Variants in PDZD2 observed in about 807,000 individuals in gnomAD.
PDZD2 encodes PDZ domain-containing protein 2.
PDZD2 carries 90 observed loss-of-function variants against 220.7 expected under a neutral mutation model. The ratio of observed to expected loss-of-function variants is 0.41; its 90% CI spans 0.34 to 0.49. The LOEUF is 0.49. PDZD2 is among the 20% of genes least tolerant of loss of function. PDZD2 has a pLI of 0.28. For synonymous variants in PDZD2, 1,375 were observed against 1,450.5 expected, an observed-to-expected ratio of 0.95 and a Z score of 1.18; for missense variants, 3,174 against 3,608.5, an observed-to-expected ratio of 0.88 and a Z score of 3.08.
intron 3 of PDZD2, among the ~76,000 whole-genome samples, chr5:31,992,366 G>T (rs1276858921): frequency 6.6e-6 from 1 of 152,072 alleles, no homozygotes; most frequent in African/African-American, 2.4e-5. Context: ...TTGTGGTTTG[G>T]GGCTGGGGGC....
At chr5:31,804,920 G>T (rs901376659) in intron 2 of PDZD2, among the ~76,000 whole-genome samples, 2 of 152,180 alleles carry the variant, frequency 1.3e-5, no homozygotes, top group African/African-American at 4.8e-5. Context: ...CCGGTCAGGC[G>T]TGGTGGCTCA....
intron 21 of PDZD2, among the ~76,000 whole-genome samples, chr5:32,096,507 C>T (rs1196896119): frequency 8.5e-5 from 13 of 152,154 alleles, no homozygotes; most frequent in Admixed American, 2.6e-4. Flanking sequence ...TCAGTAGAGA[C>T]GGGGTTTCGC....
At chr5:31,943,991 T>C (rs1331913996) in intron 2 of PDZD2, among the ~76,000 whole-genome samples, 1 of 152,212 alleles carries the variant, frequency 6.6e-6, no homozygotes, top group East Asian at 1.9e-4. Context: ...TAAATCCCAA[T>C]ATCATCTACA....
At chr5:31,766,307 A>G (rs1039919887) in intron 1 of PDZD2, among the ~76,000 whole-genome samples, 1 of 152,216 alleles carries the variant, frequency 6.6e-6, no homozygotes, top group Non-Finnish European at 1.5e-5. Context: ...TCAGATGTCC[A>G]TATTTGAAGA....
At chr5:31,902,451 G>T in intron 2 of PDZD2, among the ~76,000 whole-genome samples, 1 of 148,566 alleles carries the variant, frequency 6.7e-6, no homozygotes, top group East Asian at 2.0e-4. Context: ...GCTTATTATT[G>T]AATTGTTAAA....
At chr5:31,811,991 AAAAT>A (rs369835690) in intron 2 of PDZD2, among the ~76,000 whole-genome samples, 20,826 of 138,680 alleles carry the variant, frequency 0.15, 1,718 homozygotes, top group African/African-American at 0.2. Flanking sequence ...CTCTGTCTCA[AAAAT>A]AAATAAATAA....
intron 2 of PDZD2, among the ~76,000 whole-genome samples, chr5:31,969,471 T>C (rs963710145): frequency 4.0e-5 from 5 of 125,714 alleles, no homozygotes; most frequent in Non-Finnish European, 7.8e-5. Context: ...ATTACACGAC[T>C]GTACTCCAGG....
At chr5:32,013,529 G>T (rs1753495715) in intron 6 of PDZD2, among the ~76,000 whole-genome samples, 3 of 152,076 alleles carry the variant, frequency 2.0e-5, no homozygotes, top group Non-Finnish European at 4.4e-5. Context: ...TCAAGGGAAT[G>T]TCAATGCATT....
intron 1 of PDZD2, among the ~76,000 whole-genome samples, chr5:31,775,603 T>C (rs889000448): frequency 6.6e-6 from 1 of 151,758 alleles, no homozygotes; most frequent in Non-Finnish European, 1.5e-5. Context: ...GTTTTCCTTG[T>C]TGAATGGGAG....
chr5:32,028,633 T>G (rs1754862248), intron 6 of PDZD2, among the ~76,000 whole-genome samples: 1 of 151,538 alleles, frequency 6.6e-6, no homozygotes, highest in South Asian at 2.1e-4. Flanking sequence ...CCTCCTTTGA[T>G]CTCTCCTATT....
chr5:31,750,145 C>T (rs948115172), intron 1 of PDZD2, among the ~76,000 whole-genome samples: 2 of 152,220 alleles, frequency 1.3e-5, no homozygotes, highest in Non-Finnish European at 2.9e-5. Flanking sequence ...TTTAGGGTCA[C>T]ATGGGCCAGT....
At chr5:31,696,452 C>T (rs1747382896) in intron 1 of PDZD2, among the ~76,000 whole-genome samples, 1 of 142,258 alleles carries the variant, frequency 7.0e-6, no homozygotes, top group Non-Finnish European at 1.5e-5. Context: ...CACACCACCA[C>T]ACTCAGCTAA....
At chr5:31,961,474 G>T (rs1020553062) in intron 2 of PDZD2, among the ~76,000 whole-genome samples, 1 of 152,028 alleles carries the variant, frequency 6.6e-6, no homozygotes, top group Non-Finnish European at 1.5e-5. Context: ...GGTCGAGGCT[G>T]CAGTGAGCTG....
At chr5:31,843,117 G>T (rs910591139) in intron 2 of PDZD2, among the ~76,000 whole-genome samples, 1 of 152,094 alleles carries the variant, frequency 6.6e-6, no homozygotes, top group Admixed American at 6.6e-5. Flanking sequence ...CTGACCTCAG[G>T]TGATCCACCC....
chr5:31,672,368 G>T (rs755481617), intron 1 of PDZD2, among the ~76,000 whole-genome samples: 1 of 152,190 alleles, frequency 6.6e-6, no homozygotes, highest in African/African-American at 2.4e-5. Context: ...CCAGTGGGTG[G>T]TATGCTTTGG....
chr5:31,827,292 T>C (rs1348152640), intron 2 of PDZD2, among the ~76,000 whole-genome samples: 1 of 152,238 alleles, frequency 6.6e-6, no homozygotes, highest in East Asian at 1.9e-4. Flanking sequence ...TCCCTGGTTT[T>C]CTGGGGCCTT....
intron 1 of PDZD2, among the ~76,000 whole-genome samples, chr5:31,759,582 C>T (rs1185466174): frequency 6.8e-6 from 1 of 147,708 alleles, no homozygotes; most frequent in Non-Finnish European, 1.5e-5. Context: ...GTTGCCCAGG[C>T]TGGAGTGCAG....
At chr5:31,999,235 CCTTT>C (rs1201664045) in intron 4 of PDZD2, among the ~76,000 whole-genome samples, 3 of 145,162 alleles carry the variant, frequency 2.1e-5, no homozygotes, top group African/African-American at 7.7e-5. Flanking sequence ...TTGTTCTTTT[CCTTT>C]CTTAATTGCT....
intron 12 of PDZD2, 50 bp from the exon 13 acceptor site, chr5:32,059,189 G>C (rs200911822): frequency 3.2e-5 from 30 of 941,442 alleles, no homozygotes; most frequent in African/African-American, 4.9e-5. Flanking sequence ...ATTTTTTCTA[G>C]TGATTGTGTA....
Sources: gnomAD v4.1 joint callset for allele counts (sites outside exome capture counted in the v4.1 genomes callset) on GRCh38, gnomAD v4.1.1 for gene constraint, MANE v1.5 for transcripts, NCBI Gene and HGNC (gene_info 2026-07-23, HGNC 2026-07-21) for gene names.